RIPPLY2: variants seen among roughly 807,000 people sequenced by gnomAD.
RIPPLY2 encodes the protein ripply transcriptional repressor 2, also known as protein ripply2.
RIPPLY2 carries 20 observed loss-of-function variants against 17.7 expected under a neutral mutation model. The observed-to-expected ratio is 1.13, with a 90% CI of 0.79 to 1.64. RIPPLY2 has a LOEUF of 1.64. RIPPLY2 is among the 40% of genes most tolerant of loss of function. The probability of loss-of-function intolerance (pLI) is 0.00; values close to 1 mark genes in which losing one functional copy is unlikely to be tolerated. For synonymous variants in RIPPLY2, 69 were observed against 63.9 expected (o/e 1.08, Z -0.38); for missense variants, 213 against 169.8 (o/e 1.25, Z -1.41).
Position 83,857,493 on chromosome 6 carries a change from TAATAA to T in RIPPLY2, c.*108_*112del. On this transcript the variant is annotated 3_prime_UTR_variant, in exon 4 of 4. Coordinates refer to ENST00000369689, the MANE Select transcript of RIPPLY2 (RefSeq NM_001009994.3). Reference sequence around the variant, plus strand: ...ACTAATTTATTTGTATATAAATTATTAATAAAATGAAATATTTTGTAATTATTCTG... The same window carrying T: ...ACTAATTTATTTGTATATAAATTATTAATGAAATATTTTGTAATTATTCTG... The T allele has an allele frequency of 1.6e-6, 1 of 608,630 alleles. No homozygotes were observed. Among genetic ancestry groups the T allele is most frequent in the Non-Finnish European group, 2.4e-6 (1 of 422,778 alleles). 37.7% of individuals were successfully genotyped at this position (608,630 alleles called of 1,614,324 possible). A position where few individuals can be genotyped will look rare whatever the true frequency, so the allele number is the denominator to read the frequency against.
At position 83,853,447 on chromosome 6, in the gene RIPPLY2, G is replaced by T; in HGVS notation, c.31G>T (p.Glu11Ter). 1 of 1,544,108 alleles carries T rather than the reference G, an allele frequency of 6.5e-7. No individual in the cohort carries two copies. The highest frequency in any genetic ancestry group is 1.2e-5 in the South Asian group (1 of 83,954). The change falls in exon 1 of 4, where the codon GAG (glutamate) becomes TAG (stop). Residue 11 changes from glutamate (E) to a stop codon, truncating the protein, a stop_gained. Transcript: ENST00000369689. LOFTEE classifies it high-confidence loss of function. Reference protein sequence around the residue: MENAGGAEGTESGAAACAATD... With the variant: MENAGGAEGT ...GAACGCGGGAGGCGCAGAGGGTACA[G>T]AGAGTGGAGCTGCGGCGTGCGCGGC...
Position 83,853,515 on chromosome 6 carries a change from G to A in RIPPLY2, c.95+4G>A. 2 of 1,538,028 alleles carry A rather than the reference G, an allele frequency of 1.3e-6. No individual in the cohort carries two copies. Among genetic ancestry groups the A allele is most frequent in the Non-Finnish European group, 1.7e-6 (2 of 1,145,478 alleles). On this transcript the variant is annotated splice_donor_region_variant and intron_variant, in intron 1 of 3. Transcript: ENST00000369689. ...GGCGCGCGGGCGCGGACTCCGGGTA[G>A]GCTTCCCCGCGCTGCTCTGCGCCTC... is the stretch of plus-strand genomic sequence containing the variant.
upstream of RIPPLY2, chr6:83,853,239 G>T (rs76695116): frequency 3.5e-6 from 2 of 575,200 alleles, no homozygotes; most frequent in Non-Finnish European, 6.0e-6. Flanking sequence ...AGCCCGGTGC[G>T]CCTTCACGCG....
chr6:83,853,315 G>A, upstream of RIPPLY2: 2 of 897,122 alleles, frequency 2.2e-6, no homozygotes, highest in Non-Finnish European at 3.3e-6. Flanking sequence ...TCAATGTGCA[G>A]CAGGCCGCGA....
At position 83,853,500 on chromosome 6, in the gene RIPPLY2, C is replaced by T. The variant is rs2129124444; in HGVS notation, c.84C>T (p.Gly28=). Residue 28 remains glycine, a synonymous_variant, in exon 1 of 4, where the codon GGC becomes GGT. Coordinates refer to ENST00000369689, the MANE Select transcript of RIPPLY2 (RefSeq NM_001009994.3). ...CCGACGGCCCTACGCGGCGCGCGGG[C>T]GCGGACTCCGGGTAGGCTTCCCCGC... is the stretch of plus-strand genomic sequence containing the variant. ...AATDGPTRRA[G]ADSGYAGFWR... The T allele has an allele frequency of 1.9e-6, 3 of 1,538,592 alleles. No homozygotes were observed. The highest frequency in any genetic ancestry group is 2.5e-5 in the East Asian group (1 of 40,794).
rs1182987880 is a variant in RIPPLY2 at position 83,853,374 on chromosome 6, G to A, written c.-43G>A. 1.3e-6 allele frequency: 2 copies of A among 1,505,474 alleles called. No homozygotes were observed. Among genetic ancestry groups the A allele is most frequent in the Non-Finnish European group, 1.8e-6 (2 of 1,118,092 alleles). 93.3% of individuals were successfully genotyped at this position (1,505,474 alleles called of 1,614,324 possible). A position where few individuals can be genotyped will look rare whatever the true frequency, so the allele number is the denominator to read the frequency against. ...GGACCTACTGGAACTGGTCAAGATT[G>A]CCCGCGAGCTGGCAGCGGCCTTCCG... On this transcript the variant is annotated 5_prime_UTR_variant, in exon 1 of 4. Coordinates refer to ENST00000369689, the MANE Select transcript of RIPPLY2 (RefSeq NM_001009994.3).
chr6:83,855,602 C>T (rs2099454873), intron 3 of RIPPLY2: 1 of 152,154 alleles, frequency 6.6e-6, no homozygotes, highest in Non-Finnish European at 1.5e-5. Flanking sequence ...TCAAGTTTTC[C>T]ACTTATCATA....
intron 3 of RIPPLY2, 101 bp downstream of exon 3, chr6:83,854,262 C>T: frequency 2.2e-6 from 2 of 903,390 alleles, no homozygotes; most frequent in South Asian, 1.3e-5. Flanking sequence ...TGCAGTCTCT[C>T]TCTCTCTCTC....
chr6:83,853,837 G>T (rs1159478519), intron 2 of RIPPLY2, 64 bp downstream of exon 2: 5 of 1,405,070 alleles, frequency 3.6e-6, no homozygotes, highest in South Asian at 1.2e-5. Flanking sequence ...CAGGGCTCTC[G>T]GGACGCAGGG....
upstream of RIPPLY2, chr6:83,853,241 C>T (rs1323520185): frequency 1.9e-5 from 11 of 582,376 alleles, no homozygotes; most frequent in East Asian, 2.9e-4. Context: ...CCCGGTGCGC[C>T]TTCACGCGCA....
At position 83,857,304 on chromosome 6, in the gene RIPPLY2, A is replaced by C; in HGVS notation, c.302A>C (p.Lys101Thr). The change falls in exon 4 of 4, where the codon AAA (lysine) becomes ACA (threonine). Residue 101 changes from lysine to threonine, a missense_variant. Coordinates refer to ENST00000369689, the MANE Select transcript of RIPPLY2 (RefSeq NM_001009994.3). ...YLYQEAEALL[K>T]NFPIQATISF... is the part of the protein sequence containing the mutation. ...TATCAAGAAGCAGAAGCTCTTCTGA[A>C]AAATTTTCCAATTCAAGCCACAATT... 6.3e-7 allele frequency: 1 copy of C among 1,577,746 alleles called. No homozygotes were observed. The highest frequency in any genetic ancestry group is 2.4e-5 in the East Asian group (1 of 42,508).
In RIPPLY2 at chr6:83,857,284, A is replaced by G. The variant is rs148532609; in HGVS notation, c.282A>G (p.Gln94=). 24 of 1,551,178 alleles carry G rather than the reference A, an allele frequency of 1.5e-5. No individual in the cohort carries two copies. Among genetic ancestry groups the G allele is most frequent in the Admixed American group, 2.1e-5 (1 of 48,622 alleles). ...PKSKCYDYLY[Q]EAEALLKNFP... Reference sequence around the variant, plus strand: ...CAAAATGTTATGATTACTTATATCAAGAAGCAGAAGCTCTTCTGAAAAATT... The same window carrying G: ...CAAAATGTTATGATTACTTATATCAGGAAGCAGAAGCTCTTCTGAAAAATT... Residue 94 remains glutamine, a synonymous_variant, in exon 4 of 4, where the codon CAA becomes CAG. Coordinates refer to ENST00000369689, the MANE Select transcript of RIPPLY2 (RefSeq NM_001009994.3).
At chr6:83,855,991 G>A (rs1363754831) in intron 3 of RIPPLY2, 2 of 152,162 alleles carry the variant, frequency 1.3e-5, no homozygotes, top group South Asian at 2.1e-4. Context: ...GCCAGTTCCA[G>A]TTACGCATTA....
At position 83,856,131 on chromosome 6, in the gene RIPPLY2, T is replaced by G. The variant is rs536373676; in HGVS notation, c.240-1111T>G. 5 of 152,358 alleles carry G rather than the reference T, an allele frequency of 3.3e-5. No individual in the cohort carries two copies. In the South Asian group the frequency reaches 1.0e-3, roughly 32 times the overall value. 9.4% of individuals were successfully genotyped at this position (152,358 alleles called of 1,614,324 possible). A position where few individuals can be genotyped will look rare whatever the true frequency, so the allele number is the denominator to read the frequency against. ...AATATGGTGTGTTTTATTCTTTTTA[T>G]TCAGCTGTCAACTTTTTGAGGGTAG... On this transcript the variant is annotated intron_variant, in intron 3 of 3. Coordinates refer to ENST00000369689, the MANE Select transcript of RIPPLY2 (RefSeq NM_001009994.3).
chr6:83,857,072 G>T, intron 3 of RIPPLY2, 170 bp from the exon 4 acceptor site: 1 of 391,238 alleles, frequency 2.6e-6, no homozygotes, highest in Non-Finnish European at 4.6e-6. Flanking sequence ...ACTTGGGCAG[G>T]TAGATTCCAT....
upstream of RIPPLY2, chr6:83,853,358 G>A (rs2099454480): frequency 2.1e-6 from 3 of 1,430,018 alleles, no homozygotes; most frequent in Non-Finnish European, 2.8e-6. Flanking sequence ...CGGACCTACT[G>A]GAACTGGTCA....
chr6:83,853,829 G>A, intron 2 of RIPPLY2, 56 bp downstream of exon 2: 1 of 1,480,962 alleles, frequency 6.8e-7, no homozygotes, highest in Non-Finnish European at 9.3e-7. Flanking sequence ...AGATCGACCA[G>A]GGCTCTCGGG....
At chr6:83,855,949 G>A (rs2099454920) in intron 3 of RIPPLY2, 1 of 152,230 alleles carries the variant, frequency 6.6e-6, no homozygotes, top group East Asian at 1.9e-4. Flanking sequence ...ATTCTGGACA[G>A]AGTATCATAA....
chr6:83,855,561 C>T (rs9344363), intron 3 of RIPPLY2: 26,862 of 152,014 alleles, frequency 0.18, 4,918 homozygotes, highest in African/African-American at 0.45. Context: ...AAATTAGGGC[C>T]GAAAACAGAT....
Sources: allele counts gnomAD v4.1 joint callset, GRCh38; gene constraint gnomAD v4.1.1; transcripts MANE v1.5; gene names NCBI Gene and HGNC (gene_info 2026-07-23, HGNC 2026-07-21).